Variants in LINGO2 observed in about 807,000 individuals in gnomAD.
LINGO2 encodes the protein leucine rich repeat and Ig domain containing 2, also known as leucine-rich repeat and immunoglobulin-like domain-containing nogo receptor-interacting protein 2.
A neutral mutation model predicts 30.6 loss-of-function variants in LINGO2; 14 were observed. That is an observed-to-expected ratio of 0.46 (90% CI 0.30 to 0.72). The LOEUF (loss-of-function observed/expected upper bound fraction) is 0.72. LINGO2 is among the 30% of genes least tolerant of loss of function. LINGO2 has a pLI of 0.07. For missense variants in LINGO2, 729 were observed against 751.7 expected (o/e 0.97, Z 0.35); for synonymous variants, 317 against 288.5 (o/e 1.10, Z -1.00).
intron 4 of LINGO2, among the ~76,000 whole-genome samples, chr9:28,086,388 T>C (rs1003298500): frequency 4.6e-5 from 7 of 152,108 alleles, no homozygotes; most frequent in African/African-American, 1.4e-4. Flanking sequence ...TACAGAGATA[T>C]AATCTTTACA....
chr9:27,995,346 C>T (rs953635478), intron 5 of LINGO2, among the ~76,000 whole-genome samples: 2 of 152,198 alleles, frequency 1.3e-5, no homozygotes, highest in African/African-American at 2.4e-5. Context: ...CAAACTGTTA[C>T]AAAAATTTAA....
chr9:28,469,417 G>A (rs1317870501), intron 2 of LINGO2, among the ~76,000 whole-genome samples: 1 of 152,066 alleles, frequency 6.6e-6, no homozygotes, highest in African/African-American at 2.4e-5. Flanking sequence ...AAGAAATAAT[G>A]GCTGAAAACT....
At chr9:28,936,044 G>T in the LINGO2 span, among the ~76,000 whole-genome samples, 1 of 152,030 alleles carries the variant, frequency 6.6e-6, no homozygotes, top group African/African-American at 2.4e-5. Context: ...ACATTAGTAA[G>T]ATTAATACAA....
chr9:27,952,149 A>G (rs1323419839), intron 5 of LINGO2, among the ~76,000 whole-genome samples: 1 of 152,080 alleles, frequency 6.6e-6, no homozygotes, highest in African/African-American at 2.4e-5. Flanking sequence ...AGAATAAGTG[A>G]CTTAGAATAC....
At chr9:28,220,806 G>C (rs1173342872) in intron 4 of LINGO2, among the ~76,000 whole-genome samples, 2 of 151,508 alleles carry the variant, frequency 1.3e-5, no homozygotes, top group African/African-American at 4.9e-5. Context: ...TGCCAGATCT[G>C]TATCTCCATT....
At chr9:29,076,045 A>G in the LINGO2 span, among the ~76,000 whole-genome samples, 10 of 149,844 alleles carry the variant, frequency 6.7e-5, no homozygotes, top group Non-Finnish European at 3.0e-5. Context: ...TTTTTTTTTA[A>G]TTTTCGTTGT....
chr9:28,545,893 T>A (rs1821913810), intron 1 of LINGO2, among the ~76,000 whole-genome samples: 1 of 152,066 alleles, frequency 6.6e-6, no homozygotes, highest in Non-Finnish European at 1.5e-5. Flanking sequence ...GAGTAAACTT[T>A]TAAATTGTAT....
At chr9:28,915,558 C>T in the LINGO2 span, among the ~76,000 whole-genome samples, 2 of 152,100 alleles carry the variant, frequency 1.3e-5, no homozygotes, top group East Asian at 1.9e-4. Context: ...TTCTGTTGGG[C>T]CTCACTTAAC....
Position 28,055,774 on chromosome 9 carries a change from G to A in LINGO2, c.-86-43369C>T, listed in dbSNP as rs567243109. 2.6e-3 allele frequency among the ~76,000 whole-genome samples: 401 copies of A among 152,216 alleles called. 3 individuals carry two copies. The highest frequency in any genetic ancestry group is 9.2e-3 in the African/African-American group (384 of 41,554). The stretch of plus-strand genomic sequence containing the variant: ...CTTGGAAGTTTAAGTAGTTCAAATT[G>A]CTATCTTTAGTTCTATTTGAAGCCT... On this transcript the variant is annotated intron_variant, in intron 4 of 5. Transcript: ENST00000379992.
chr9:29,014,221 C>A, the LINGO2 span, among the ~76,000 whole-genome samples: 1 of 152,104 alleles, frequency 6.6e-6, no homozygotes, highest in East Asian at 1.9e-4. Flanking sequence ...GTCTCTACCA[C>A]CACCAATTTT....
exon 6 of LINGO2, chr9:27,950,532 C>G: frequency 6.4e-7 from 1 of 1,571,806 alleles, no homozygotes; most frequent in Non-Finnish European, 8.6e-7. Flanking sequence ...GGCGATCAAT[C>G]GCCTTCTGTG....
intron 4 of LINGO2, among the ~76,000 whole-genome samples, chr9:28,166,426 C>CACAG (rs1200452198): frequency 1.3e-5 from 2 of 152,114 alleles, no homozygotes; most frequent in African/African-American, 4.8e-5. Flanking sequence ...AGATAATGTG[C>CACAG]ACAGCTATGA....
the LINGO2 span, among the ~76,000 whole-genome samples, chr9:28,823,728 T>C: frequency 6.6e-6 from 1 of 152,186 alleles, no homozygotes; most frequent in South Asian, 2.1e-4. Flanking sequence ...ACCACCTGAA[T>C]GACTTATCTT....
exon 6 of LINGO2, chr9:27,949,087 T>C (rs551883662): frequency 6.2e-7 from 1 of 1,614,138 alleles, no homozygotes; most frequent in East Asian, 2.2e-5. Context: ...TTGGCATTGG[T>C]GCCATTGGAA....
chr9:29,158,191 AAAC>A, the LINGO2 span, among the ~76,000 whole-genome samples: 5,837 of 143,204 alleles, frequency 0.041, 164 homozygotes, highest in Admixed American at 0.079. Flanking sequence ...AAGTAAAAAA[AAAC>A]AAAAAAAAAA....
the LINGO2 span, among the ~76,000 whole-genome samples, chr9:28,868,760 G>T: frequency 1.3e-5 from 2 of 151,996 alleles, no homozygotes; most frequent in Non-Finnish European, 2.9e-5. Flanking sequence ...AACATAATTT[G>T]GTTCCTGTGG....
intron 3 of LINGO2, among the ~76,000 whole-genome samples, chr9:28,330,801 C>T (rs1421157428): frequency 6.6e-6 from 1 of 152,054 alleles, no homozygotes; most frequent in Non-Finnish European, 1.5e-5. Context: ...TCTCACCTTC[C>T]AGGACATGTG....
At position 28,598,434 on chromosome 9, in the gene LINGO2, AC is replaced by A. The variant is rs1414905299; in HGVS notation, c.-365+71765del. 1.2e-4 allele frequency among the ~76,000 whole-genome samples: 15 copies of A among 123,480 alleles called. No individual in the cohort carries two copies. In the South Asian group the frequency reaches 2.7e-3, roughly 23 times the overall value. 81.0% of individuals were successfully genotyped at this position (123,480 alleles called of 152,430 possible). A position where few individuals can be genotyped will look rare whatever the true frequency, so the allele number is the denominator to read the frequency against. On this transcript the variant is annotated intron_variant, in intron 1 of 5. Transcript: ENST00000379992. ...TCTCCATATCAAAAAAAAAAAAAAA[AC>A]AAAACAAACAAACAAACAAAAAAAA...
chr9:27,977,017 C>A (rs1820629673), intron 5 of LINGO2, among the ~76,000 whole-genome samples: 1 of 149,810 alleles, frequency 6.7e-6, no homozygotes, highest in African/African-American at 2.4e-5. Context: ...GACTTCTGTT[C>A]CACTGGACTT....
Sources: gnomAD v4.1 joint callset for allele counts (sites outside exome capture counted in the v4.1 genomes callset) on GRCh38, gnomAD v4.1.1 for gene constraint, MANE v1.5 for transcripts, NCBI Gene and HGNC (gene_info 2026-07-23, HGNC 2026-07-21) for gene names.